FBXL20: variants seen among roughly 807,000 people sequenced by gnomAD.
FBXL20 encodes F-box/LRR-repeat protein 20.
A neutral mutation model predicts 64.0 loss-of-function variants in FBXL20; 11 were observed. The ratio of observed to expected loss-of-function variants is 0.17; its 90% CI spans 0.11 to 0.28. The LOEUF (loss-of-function observed/expected upper bound fraction) is 0.28. Ranked by LOEUF, FBXL20 falls within the 10% of genes least tolerant of loss-of-function variation. FBXL20 has a pLI of 1.00. For missense variants in FBXL20, 303 were observed against 526.2 expected (o/e 0.58, Z 4.15); for synonymous variants, 184 against 189.0 (o/e 0.97, Z 0.22).
At chr17:39,323,761 T>C (rs2047380226) in intron 2 of FBXL20, among the ~76,000 whole-genome samples, 1 of 150,970 alleles carries the variant, frequency 6.6e-6, no homozygotes. Context: ...GTTATGTCTT[T>C]AGTATACTTC....
chr17:39,293,971 G>GA, intron 6 of FBXL20, among the ~76,000 whole-genome samples: 1 of 151,796 alleles, frequency 6.6e-6, no homozygotes, highest in Admixed American at 6.6e-5. Flanking sequence ...GGCATTGTCT[G>GA]AAAAATGCCT....
intron 2 of FBXL20, among the ~76,000 whole-genome samples, chr17:39,317,673 CTTTGTTTTTTTTTTTGTTTTTTTTTTTGT>C (rs2047307069): frequency 9.2e-6 from 1 of 108,448 alleles, no homozygotes; most frequent in African/African-American, 4.0e-5. Flanking sequence ...GAGAGTTTGA[CTTTGTTTTTTTTTTTGTTTTTTTTTTTGT>C]TTTTTTTTTT....
chr17:39,275,202 C>T, intron 9 of FBXL20, 102 bp from the exon 10 acceptor site: 1 of 1,233,232 alleles, frequency 8.1e-7, no homozygotes, highest in Non-Finnish European at 1.1e-6. Context: ...AAAAGGAAAT[C>T]AAGACATGCT....
rs781125244 is a variant in FBXL20 at position 39,281,503 on chromosome 17, A to G, written c.622-40T>C. ...AAGTAAGAAAAAAATGATTATTGAC[A>G]TTGTCTCAAAGGAAAGAGATTTAAG... is the stretch of plus-strand genomic sequence containing the variant. On this transcript the variant is annotated intron_variant, in intron 8 of 14. Coordinates refer to ENST00000264658, the MANE Select transcript of FBXL20 (RefSeq NM_032875.3). 5 of 1,530,002 alleles carry G rather than the reference A, an allele frequency of 3.3e-6. No homozygotes were observed. The Admixed American group carries it at 8.7e-5, about 26-fold the overall frequency. The allele number at this position is 1,530,002 out of a possible 1,614,324, so 94.8% of individuals were successfully genotyped here.
chr17:39,349,117 T>G (rs1256451830), intron 1 of FBXL20, among the ~76,000 whole-genome samples: 1 of 151,764 alleles, frequency 6.6e-6, no homozygotes, highest in African/African-American at 2.4e-5. Context: ...CCAGGCATGG[T>G]GGCAGGCACC....
At chr17:39,326,233 A>T (rs1265034879) in intron 2 of FBXL20, among the ~76,000 whole-genome samples, 1 of 152,066 alleles carries the variant, frequency 6.6e-6, no homozygotes, top group Non-Finnish European at 1.5e-5. Flanking sequence ...TTTATAAATT[A>T]CCCAGTCTCA....
At chr17:39,311,250 A>G (rs2047233382) in intron 2 of FBXL20, among the ~76,000 whole-genome samples, 1 of 152,126 alleles carries the variant, frequency 6.6e-6, no homozygotes, top group Admixed American at 6.6e-5. Context: ...CTCAGTAACA[A>G]AACTTTTGGC....
rs1275057050 is a variant in FBXL20 at position 39,312,768 on chromosome 17, G to A, written c.105-9129C>T. ...TTTTTTTTGTATTTTTAGTAGAGACGGGTTTCAATGTGTTAGCCAGGATGG... is the reference window on the plus strand; with the variant it reads ...TTTTTTTTGTATTTTTAGTAGAGACAGGTTTCAATGTGTTAGCCAGGATGG... On this transcript the variant is annotated intron_variant, in intron 2 of 14. Transcript: ENST00000264658. Among the ~76,000 whole-genome samples, 11 of 148,144 alleles carry A rather than the reference G, an allele frequency of 7.4e-5. No homozygotes were observed. In the South Asian group the frequency reaches 8.6e-4, roughly 12 times the overall value.
intron 1 of FBXL20, among the ~76,000 whole-genome samples, chr17:39,366,443 C>G (rs1272128074): frequency 6.6e-6 from 1 of 152,188 alleles, no homozygotes; most frequent in Non-Finnish European, 1.5e-5. Flanking sequence ...CCTAGACTGG[C>G]TACACAACTG....
Position 39,401,620 on chromosome 17 carries a change from TCTCTC to T in FBXL20, c.-223_-219del. Reference sequence around the variant, plus strand: ...AACGACTGCTCGTCGCTAGCTCGGCTCTCTCCTCAGCCTCAACTTCAACCCAAAAC... The same window carrying T: ...AACGACTGCTCGTCGCTAGCTCGGCTCTCAGCCTCAACTTCAACCCAAAAC... On this transcript the variant is annotated 5_prime_UTR_variant, in exon 1 of 15. Coordinates refer to ENST00000264658, the MANE Select transcript of FBXL20 (RefSeq NM_032875.3). The T allele has an allele frequency of 3.6e-6, 5 of 1,393,134 alleles. No homozygotes were observed. Among genetic ancestry groups the T allele is most frequent in the Non-Finnish European group, 4.6e-6 (5 of 1,081,604 alleles). 86.3% of individuals were successfully genotyped at this position (1,393,134 alleles called of 1,614,324 possible).
chr17:39,353,769 C>T (rs919229910), intron 1 of FBXL20, among the ~76,000 whole-genome samples: 9 of 152,000 alleles, frequency 5.9e-5, no homozygotes, highest in South Asian at 2.1e-4. Flanking sequence ...ATTACAGACA[C>T]GCGCCACCAC....
chr17:39,364,595 A>T (rs146205295), intron 1 of FBXL20, among the ~76,000 whole-genome samples: 4,829 of 152,274 alleles, frequency 0.032, 126 homozygotes, highest in Non-Finnish European at 0.044. Flanking sequence ...GGGAGACAGA[A>T]CAAGACCCTG....
chr17:39,267,908 A>G (rs1024890301), intron 12 of FBXL20, among the ~76,000 whole-genome samples: 38 of 152,218 alleles, frequency 2.5e-4, no homozygotes, highest in African/African-American at 8.2e-4. Flanking sequence ...GCTGTTAAGT[A>G]GTGCCTATAA....
At chr17:39,343,140 T>C (rs1353294478) in intron 2 of FBXL20, 40 bp downstream of exon 2, 6 of 1,478,020 alleles carry the variant, frequency 4.1e-6, no homozygotes, top group Non-Finnish European at 5.5e-6. Context: ...AAATATGACA[T>C]ACACATAAAA....
intron 14 of FBXL20, 65 bp downstream of exon 14, chr17:39,264,110 G>GA (rs750932938): frequency 6.0e-4 from 901 of 1,489,996 alleles, no homozygotes; most frequent in Non-Finnish European, 7.0e-4. Flanking sequence ...TTGAAAAAAG[G>GA]AAAAAAAAAG....
intron 3 of FBXL20, 106 bp downstream of exon 3, chr17:39,303,479 T>A: frequency 1.1e-6 from 1 of 933,264 alleles, no homozygotes; most frequent in South Asian, 2.0e-5. Context: ...CTTTAAAACA[T>A]GAAAACATAC....
intron 2 of FBXL20, among the ~76,000 whole-genome samples, chr17:39,336,115 A>AG (rs2047519414): frequency 7.0e-6 from 1 of 142,660 alleles, no homozygotes; most frequent in African/African-American, 2.5e-5. Flanking sequence ...AGCCTGTCAG[A>AG]GGGGGGAGGG....
chr17:39,334,442 C>CTT (rs2047499859), intron 2 of FBXL20, among the ~76,000 whole-genome samples: 2 of 150,694 alleles, frequency 1.3e-5, no homozygotes, highest in Admixed American at 6.7e-5. Context: ...TCCCCCTCTC[C>CTT]GAGAAACACC....
At chr17:39,394,743 G>C (rs1250895582) in intron 1 of FBXL20, among the ~76,000 whole-genome samples, 1 of 151,682 alleles carries the variant, frequency 6.6e-6, no homozygotes, top group East Asian at 1.9e-4. Context: ...ATTTTTATTA[G>C]AGACAGGGTT....
Sources: gnomAD v4.1 joint callset for allele counts (sites outside exome capture counted in the v4.1 genomes callset) on GRCh38, gnomAD v4.1.1 for gene constraint, MANE v1.5 for transcripts, NCBI Gene and HGNC (gene_info 2026-07-23, HGNC 2026-07-21) for gene names.